CADM2: variants seen among roughly 807,000 people sequenced by gnomAD.
The protein encoded by CADM2 is immunoglobulin superfamily member 4D.
A neutral mutation model predicts 49.8 loss-of-function variants in CADM2; 12 were observed. That is an observed-to-expected ratio of 0.24 (90% CI 0.15 to 0.39). CADM2 has a LOEUF of 0.39. Ranked by LOEUF, CADM2 falls within the 10% of genes least tolerant of loss-of-function variation. The pLI is 1.00. For synonymous variants in CADM2, 214 were observed against 175.4 expected (o/e 1.22, Z -1.74); for missense variants, 378 against 492.3 (o/e 0.77, Z 2.20).
chr3:85,092,163 T>G (rs990898482), intron 1 of CADM2, among the ~76,000 whole-genome samples: 3 of 152,138 alleles, frequency 2.0e-5, no homozygotes, highest in Non-Finnish European at 4.4e-5. Context: ...CTGGAAACCA[T>G]TTTTGAATTT....
At chr3:85,447,794 A>G (rs763817515) in intron 1 of CADM2, among the ~76,000 whole-genome samples, 1 of 152,182 alleles carries the variant, frequency 6.6e-6, no homozygotes, top group Non-Finnish European at 1.5e-5. Flanking sequence ...GATGAGATGA[A>G]TACATTATCT....
intron 1 of CADM2, among the ~76,000 whole-genome samples, chr3:85,636,905 A>G (rs1185733126): frequency 6.6e-6 from 1 of 152,176 alleles, no homozygotes; most frequent in Admixed American, 6.5e-5. Flanking sequence ...ACACTCTATG[A>G]TGTCTACACA....
chr3:85,042,652 C>A (rs1033786641), intron 1 of CADM2, among the ~76,000 whole-genome samples: 1 of 152,180 alleles, frequency 6.6e-6, no homozygotes, highest in African/African-American at 2.4e-5. Flanking sequence ...GAAAGTGTCT[C>A]TATATGCATT....
chr3:85,622,157 G>A (rs2063997002), intron 1 of CADM2, among the ~76,000 whole-genome samples: 1 of 152,092 alleles, frequency 6.6e-6, no homozygotes, highest in Admixed American at 6.6e-5. Flanking sequence ...ACAGATAGAT[G>A]CCTTCACCAC....
At chr3:85,658,504 A>G (rs1208762000) in intron 1 of CADM2, among the ~76,000 whole-genome samples, 1 of 147,150 alleles carries the variant, frequency 6.8e-6, no homozygotes, top group Admixed American at 6.9e-5. Flanking sequence ...AAGATTATCT[A>G]TCTGTCTATC....
chr3:85,469,696 G>T (rs2038682272), intron 1 of CADM2, among the ~76,000 whole-genome samples: 1 of 152,124 alleles, frequency 6.6e-6, no homozygotes, highest in South Asian at 2.1e-4. Context: ...AGGGTATCAT[G>T]CATTATCACC....
chr3:85,000,815 G>A (rs147076171), intron 1 of CADM2, among the ~76,000 whole-genome samples: 2 of 151,564 alleles, frequency 1.3e-5, no homozygotes, highest in East Asian at 3.9e-4. Flanking sequence ...ATACATATAT[G>A]TGCCTATGTA....
chr3:85,391,892 G>T (rs55846240), intron 1 of CADM2, among the ~76,000 whole-genome samples: 1 of 152,016 alleles, frequency 6.6e-6, no homozygotes, highest in Non-Finnish European at 1.5e-5. Flanking sequence ...CTTTCAAATA[G>T]AATTCTACAA....
chr3:85,745,870 C>T (rs566091346), intron 2 of CADM2, among the ~76,000 whole-genome samples: 36 of 152,060 alleles, frequency 2.4e-4, no homozygotes, highest in Non-Finnish European at 4.3e-4. Flanking sequence ...TTGTTAATTT[C>T]TCTTTTGCCT....
chr3:85,411,132 G>A (rs565028165), intron 1 of CADM2, among the ~76,000 whole-genome samples: 1 of 152,300 alleles, frequency 6.6e-6, no homozygotes, highest in African/African-American at 2.4e-5. Flanking sequence ...GACGTGGTAC[G>A]ATGAAGACAT....
At chr3:85,536,209 A>T (rs1438660192) in intron 1 of CADM2, among the ~76,000 whole-genome samples, 1 of 152,048 alleles carries the variant, frequency 6.6e-6, no homozygotes, top group Non-Finnish European at 1.5e-5. Context: ...TGAAGAGAAG[A>T]TTAGAAAAAT....
chr3:85,074,593 GAATTAAT>G (rs1324412833), intron 1 of CADM2, among the ~76,000 whole-genome samples: 2 of 152,020 alleles, frequency 1.3e-5, no homozygotes, highest in Admixed American at 6.6e-5. Context: ...TGTTTCTGTT[GAATTAAT>G]AATTAAATAG....
At chr3:85,908,035 A>G (rs1717037419) in intron 5 of CADM2, among the ~76,000 whole-genome samples, 1 of 152,162 alleles carries the variant, frequency 6.6e-6, no homozygotes, top group Admixed American at 6.5e-5. Context: ...TATAAGCACC[A>G]CTGTGGAGAC....
chr3:85,449,697 A>G (rs1432558442), intron 1 of CADM2, among the ~76,000 whole-genome samples: 1 of 152,114 alleles, frequency 6.6e-6, no homozygotes, highest in East Asian at 1.9e-4. Context: ...TGTGGAAAAC[A>G]GACAATCAGT....
At chr3:85,009,637 G>A (rs2033892273) in intron 1 of CADM2, among the ~76,000 whole-genome samples, 2 of 152,226 alleles carry the variant, frequency 1.3e-5, no homozygotes, top group East Asian at 1.9e-4. Flanking sequence ...AAGCCAAGGC[G>A]GACGGATTGC....
intron 1 of CADM2, among the ~76,000 whole-genome samples, chr3:85,574,735 T>A (rs530360359): frequency 6.6e-6 from 1 of 152,218 alleles, no homozygotes; most frequent in Non-Finnish European, 1.5e-5. Context: ...TATGTTTCTT[T>A]AGCTATACAT....
intron 1 of CADM2, among the ~76,000 whole-genome samples, chr3:85,139,625 T>A (rs2039517168): frequency 6.6e-6 from 1 of 152,070 alleles, no homozygotes; most frequent in Non-Finnish European, 1.5e-5. Flanking sequence ...ATAAGAACTA[T>A]AGGTTACTGT....
At chr3:85,966,456 T>C (rs935493869) in intron 8 of CADM2, among the ~76,000 whole-genome samples, 9 of 151,768 alleles carry the variant, frequency 5.9e-5, no homozygotes, top group Non-Finnish European at 8.8e-5. Context: ...CCTTACTTCA[T>C]TATTTTCTCC....
intron 1 of CADM2, among the ~76,000 whole-genome samples, chr3:85,077,783 G>A (rs1188955544): frequency 6.6e-6 from 1 of 152,002 alleles, no homozygotes; most frequent in Non-Finnish European, 1.5e-5. Context: ...ATGCTCTGCT[G>A]TGGTTTTGTT....
Sources: gnomAD v4.1 joint callset for allele counts (sites outside exome capture counted in the v4.1 genomes callset) on GRCh38, gnomAD v4.1.1 for gene constraint, MANE v1.5 for transcripts, NCBI Gene and HGNC (gene_info 2026-07-23, HGNC 2026-07-21) for gene names.